Variants in MAGI2 observed in about 807,000 individuals in gnomAD.
MAGI2 encodes membrane-associated guanylate kinase, WW and PDZ domain-containing protein 2.
Under a neutral mutation model 133.3 loss-of-function variants are expected in MAGI2, and 35 were observed. The observed-to-expected ratio is 0.26, with a 90% confidence interval of 0.20 to 0.35. MAGI2 has a LOEUF of 0.35. Ranked by LOEUF, MAGI2 falls within the 10% of genes least tolerant of loss-of-function variation. The pLI is 1.00. For missense variants in MAGI2, 1,636 were observed against 1,863.4 expected, an observed-to-expected ratio of 0.88 and a Z score of 2.25; for synonymous variants, 729 against 710.6, an observed-to-expected ratio of 1.03 and a Z score of -0.41.
intron 1 of MAGI2, among the ~76,000 whole-genome samples, chr7:79,182,977 T>A (rs948330733): frequency 6.6e-6 from 1 of 151,948 alleles, no homozygotes; most frequent in South Asian, 2.1e-4. Flanking sequence ...CATTCCCATA[T>A]GTGAGAGCTA....
chr7:79,153,002 TAAGCCTTTAGAAC>T, intron 1 of MAGI2, among the ~76,000 whole-genome samples: 1 of 152,338 alleles, frequency 6.6e-6, no homozygotes, highest in East Asian at 1.9e-4. Flanking sequence ...TTTGGTATCA[TAAGCCTTTAGAAC>T]AAGCTTTGGA....
chr7:78,741,822 G>A (rs529318462), intron 2 of MAGI2, among the ~76,000 whole-genome samples: 2 of 152,022 alleles, frequency 1.3e-5, no homozygotes, highest in Admixed American at 6.5e-5. Context: ...TCTATATGAC[G>A]ACCTATACAT....
intron 2 of MAGI2, among the ~76,000 whole-genome samples, chr7:78,702,897 G>C (rs1378522847): frequency 6.6e-6 from 1 of 150,664 alleles, no homozygotes; most frequent in Non-Finnish European, 1.5e-5. Context: ...TCTGGGGCTA[G>C]AGGCAGATTT....
chr7:78,156,282 A>G (rs967674207), intron 16 of MAGI2, among the ~76,000 whole-genome samples: 3 of 152,150 alleles, frequency 2.0e-5, no homozygotes, highest in Admixed American at 1.3e-4. Flanking sequence ...CTGTGTTCCC[A>G]GAAGGGCCAC....
At chr7:79,281,466 T>A (rs2129558005) in intron 1 of MAGI2, among the ~76,000 whole-genome samples, 1 of 152,158 alleles carries the variant, frequency 6.6e-6, no homozygotes, top group Non-Finnish European at 1.5e-5. Context: ...ATGTTTTTCA[T>A]ACAGTCTGCT....
In MAGI2 at chr7:78,106,193, A is replaced by C. The variant is rs369669640; in HGVS notation, c.3567+19501T>G. On this transcript the variant is annotated intron_variant, in intron 20 of 21. Transcript: ENST00000354212. ...TTCATGTTGCAAACAACAGGATTTTATTCCTTTTTCTGTAGCTGAATAGTA... is the reference window on the plus strand; with the variant it reads ...TTCATGTTGCAAACAACAGGATTTTCTTCCTTTTTCTGTAGCTGAATAGTA... Among the ~76,000 whole-genome samples the C allele has an allele frequency of 3.3e-5, 5 of 152,190 alleles. No individual in the cohort carries two copies. The East Asian group carries it at 9.6e-4, about 29-fold the overall frequency.
intron 1 of MAGI2, among the ~76,000 whole-genome samples, chr7:79,318,806 T>G (rs1465821447): frequency 6.6e-6 from 1 of 152,080 alleles, no homozygotes; most frequent in Non-Finnish European, 1.5e-5. Context: ...TCCAGTAAGT[T>G]TTCCTTCCAT....
At position 78,328,533 on chromosome 7, in the gene MAGI2, CTCT is replaced by C. The variant is rs1363185005; in HGVS notation, c.1408+15242_1408+15244del. On this transcript the variant is annotated intron_variant, in intron 9 of 21. Transcript: ENST00000354212. ...CACACACACACACACACACACACCC[CTCT>C]CTCTCTCTCTCTTACTTTATTCTCA... 4.9e-4 allele frequency among the ~76,000 whole-genome samples: 6 copies of C among 12,224 alleles called. No homozygotes were observed. In the East Asian group the frequency reaches 7.2e-3, roughly 15 times the overall value. 8.0% of individuals were successfully genotyped at this position (12,224 alleles called of 152,430 possible).
chr7:79,212,081 A>G (rs1025463068), intron 1 of MAGI2, among the ~76,000 whole-genome samples: 2 of 152,114 alleles, frequency 1.3e-5, no homozygotes, highest in Admixed American at 6.5e-5. Flanking sequence ...TTATTACAGA[A>G]AAACCACATA....
At chr7:78,693,441 C>T (rs761611986) in intron 2 of MAGI2, among the ~76,000 whole-genome samples, 15 of 152,046 alleles carry the variant, frequency 9.9e-5, no homozygotes, top group Non-Finnish European at 1.3e-4. Context: ...CTCTGCATTA[C>T]GGGTCAAGCA....
intron 1 of MAGI2, among the ~76,000 whole-genome samples, chr7:79,397,632 T>C (rs1845155626): frequency 6.6e-6 from 1 of 152,152 alleles, no homozygotes; most frequent in Admixed American, 6.6e-5. Context: ...CATTTCTTGA[T>C]ATTTGTTAGT....
At chr7:78,977,495 GAAAGAAAGA>G (rs1458968436) in intron 2 of MAGI2, among the ~76,000 whole-genome samples, 2 of 28,340 alleles carry the variant, frequency 7.1e-5, no homozygotes, top group African/African-American at 1.6e-4. Flanking sequence ...AAGAAAGAAA[GAAAGAAAGA>G]AAGAAAGAAA....
chr7:78,995,302 G>A (rs1350942838), intron 2 of MAGI2, among the ~76,000 whole-genome samples: 1 of 152,108 alleles, frequency 6.6e-6, no homozygotes, highest in East Asian at 1.9e-4. Context: ...TTTAGATAAT[G>A]TAGATTCCTT....
intron 1 of MAGI2, among the ~76,000 whole-genome samples, chr7:79,148,494 T>C (rs1386088433): frequency 6.6e-6 from 1 of 152,306 alleles, no homozygotes; most frequent in East Asian, 1.9e-4. Flanking sequence ...TCTTCCATTT[T>C]ACTATGTTCT....
chr7:78,399,888 T>A lies in MAGI2; in HGVS notation c.1046-30675A>T, dbSNP rs112673895. Among the ~76,000 whole-genome samples, 132 of 149,062 alleles carry A rather than the reference T, an allele frequency of 8.9e-4. 1 individual carries two copies. Among genetic ancestry groups the A allele is most frequent in the African/African-American group, 3.0e-3 (123 of 40,616 alleles). On this transcript the variant is annotated intron_variant, in intron 6 of 21. Transcript: ENST00000354212. Reference sequence around the variant, plus strand: ...ATGAACACAGCTCAATCACTGTTGATCAGTGAAGCAAATGTTTAAGATCCA... The same window carrying A: ...ATGAACACAGCTCAATCACTGTTGAACAGTGAAGCAAATGTTTAAGATCCA...
At chr7:79,201,533 GT>G (rs1238458054) in intron 1 of MAGI2, among the ~76,000 whole-genome samples, 2 of 151,526 alleles carry the variant, frequency 1.3e-5, no homozygotes, top group Non-Finnish European at 2.9e-5. Context: ...CTTTTTGTTT[GT>G]TTTTTTAATG....
Position 78,017,193 on chromosome 7 carries a change from GTCTT to G in MAGI2, c.*2118_*2121del, listed in dbSNP as rs1436656130. The G allele has an allele frequency of 5.2e-5, 8 of 152,606 alleles. No individual in the cohort carries two copies. Among genetic ancestry groups the G allele is most frequent in the African/African-American group, 1.9e-4 (8 of 41,426 alleles). The allele number at this position is 152,606 out of a possible 1,614,324, so 9.5% of individuals were successfully genotyped here. On this transcript the variant is annotated 3_prime_UTR_variant, in exon 22 of 22. Coordinates refer to ENST00000354212, the MANE Select transcript of MAGI2 (RefSeq NM_012301.4). Reference sequence around the variant, plus strand: ...TCATAAAAATAGTTGCTCACTTACAGTCTTTCTGTGACTATTAATACATGGAATT... The same window carrying G: ...TCATAAAAATAGTTGCTCACTTACAGTCTGTGACTATTAATACATGGAATT...
intron 1 of MAGI2, among the ~76,000 whole-genome samples, chr7:79,426,358 C>T (rs561445595): frequency 6.4e-4 from 98 of 152,074 alleles, no homozygotes; most frequent in African/African-American, 2.0e-3. Flanking sequence ...TTTTCTTTCG[C>T]GGCATTTTCA....
chr7:78,135,159 G>C lies in MAGI2; in HGVS notation c.2893C>G (p.Arg965Gly). Residue 965 changes from arginine (R) to glycine (G), a missense_variant, in exon 17 of 22, where the codon CGC (arginine) becomes GGC (glycine). By Grantham distance (125) the Arg-to-Gly change is moderately radical (BLOSUM62 -2). Transcript: ENST00000354212. ...GRIIDGSPAD[R>G]CAKLKVGDRI... ...TCTCCCACTTTTAGTTTTGCACAGC[G>C]ATCTGCAGGACTCCCATCAATGATG... 1 of 1,614,094 alleles carries C rather than the reference G, an allele frequency of 6.2e-7. No homozygotes were observed.
Sources: allele counts gnomAD v4.1 joint callset (sites outside exome capture counted in the v4.1 genomes callset), GRCh38; gene constraint gnomAD v4.1.1; transcripts MANE v1.5; gene names NCBI Gene and HGNC (gene_info 2026-07-23, HGNC 2026-07-21).